The following AP2A2 variants were observed in gnomAD, a reference collection of about 807,000 sequenced individuals.
AP2A2 encodes AP-2 complex subunit alpha-2.
In AP2A2, 32 loss-of-function variants were observed where a neutral mutation model predicts 104.2. The observed-to-expected ratio is 0.31, with a 90% CI of 0.23 to 0.41. The LOEUF (loss-of-function observed/expected upper bound fraction) is 0.41, where lower values mean the gene tolerates loss of function less well. Ranked by LOEUF, AP2A2 falls within the 10% of genes least tolerant of loss-of-function variation. The pLI is 1.00. For synonymous variants in AP2A2, 539 were observed against 533.3 expected, an observed-to-expected ratio of 1.01 and a Z score of -0.15; for missense variants, 912 against 1,261.0, an observed-to-expected ratio of 0.72 and a Z score of 4.19.
At position 992,437 on chromosome 11, in the gene AP2A2, C is replaced by T. The variant is rs763711890; in HGVS notation, c.1270-66C>T. 2.9e-5 allele frequency: 44 copies of T among 1,499,226 alleles called. No individual in the cohort carries two copies. Among genetic ancestry groups the T allele is most frequent in the South Asian group, 3.6e-5 (3 of 83,032 alleles). The allele number at this position is 1,499,226 out of a possible 1,614,324, so 92.9% of individuals were successfully genotyped here. ...CTGAAACTCTCACTTTGACTTTGGACGACAGTTTGGTCTTGGGATTGCCAT... is the reference window on the plus strand; with the variant it reads ...CTGAAACTCTCACTTTGACTTTGGATGACAGTTTGGTCTTGGGATTGCCAT... On this transcript the variant is annotated intron_variant, in intron 10 of 21. Transcript: ENST00000448903. This position sits in a 1 kb window ranked among gnomAD's most constrained non-coding sequence, Gnocchi z 6.4.
intron 14 of AP2A2, among the ~76,000 whole-genome samples, chr11:994,447 C>T (rs891530015): frequency 2.0e-5 from 3 of 151,474 alleles, no homozygotes; most frequent in African/African-American, 7.3e-5. Flanking sequence ...GGCCACTGTC[C>T]CTGCTGGACG....
chr11:1,003,855 T>A, intron 16 of AP2A2, 51 bp downstream of exon 16: 1 of 1,260,858 alleles, frequency 7.9e-7, no homozygotes, highest in Non-Finnish European at 1.1e-6. Context: ...TATGGGAAAT[T>A]AAGAGAAAAT....
chr11:987,479 C>G (rs544867838), intron 9 of AP2A2, among the ~76,000 whole-genome samples: 1 of 151,970 alleles, frequency 6.6e-6, no homozygotes, highest in African/African-American at 2.4e-5. Flanking sequence ...GAAACCCCGT[C>G]TTTACTAAAA....
At chr11:999,784 T>C (rs1046687647) in intron 14 of AP2A2, among the ~76,000 whole-genome samples, 1 of 151,336 alleles carries the variant, frequency 6.6e-6, no homozygotes, top group African/African-American at 2.4e-5. Flanking sequence ...GGCAGTAACA[T>C]GCATGATCTT....
In AP2A2 at chr11:993,035, C is replaced by T. The variant is rs1250980211; in HGVS notation, c.1453-249C>T. ...TGCCATGAGGACGCTGGCAGAACCTCCCCAGCCAGAGCCTGTTGTGGATGC... is the reference window on the plus strand; with the variant it reads ...TGCCATGAGGACGCTGGCAGAACCTTCCCAGCCAGAGCCTGTTGTGGATGC... On this transcript the variant is annotated intron_variant, in intron 11 of 21. Coordinates refer to ENST00000448903, the MANE Select transcript of AP2A2 (RefSeq NM_012305.4). This position sits in a 1 kb window ranked among gnomAD's most constrained non-coding sequence, Gnocchi z 8.2. Among the ~76,000 whole-genome samples the T allele has an allele frequency of 6.6e-6, 1 of 152,196 alleles. No homozygotes were observed. The highest frequency in any genetic ancestry group is 1.5e-5 in the Non-Finnish European group (1 of 68,038).
At chr11:963,784 G>A (rs1854521976) in intron 2 of AP2A2, among the ~76,000 whole-genome samples, 1 of 152,216 alleles carries the variant, frequency 6.6e-6, no homozygotes, top group Admixed American at 6.5e-5. Flanking sequence ...CACCACGCCT[G>A]GCTAACATTT....
At chr11:1,006,689 T>G (rs1337072007) in intron 17 of AP2A2, 72 bp downstream of exon 17, 11 of 1,219,820 alleles carry the variant, frequency 9.0e-6, no homozygotes, top group African/African-American at 1.5e-5. Flanking sequence ...TTTGAGGAAG[T>G]TTTTTGGTTT....
At chr11:967,758 G>C (rs1257852699) in intron 2 of AP2A2, among the ~76,000 whole-genome samples, 1 of 152,158 alleles carries the variant, frequency 6.6e-6, no homozygotes, top group African/African-American at 2.4e-5. Flanking sequence ...GCATCTTTCA[G>C]ACTGGAGCCC....
rs1853222297 is a variant in AP2A2, at chr11:929,602, G to C, written c.67+3514G>C. Among the ~76,000 whole-genome samples, 2 of 152,172 alleles carry C rather than the reference G, an allele frequency of 1.3e-5. 1 individual carries two copies. The highest frequency in any genetic ancestry group is 4.1e-4 in the South Asian group (2 of 4,824). On this transcript the variant is annotated intron_variant, in intron 1 of 21. Transcript: ENST00000448903. ...TTCTTAAGTTTTCCTCCTTTAGCCT[G>C]GGCAATATAGTGAGACCCCTGTCTT...
At chr11:998,579 A>G (rs1043264655) in intron 14 of AP2A2, among the ~76,000 whole-genome samples, 1 of 152,076 alleles carries the variant, frequency 6.6e-6, no homozygotes, top group Admixed American at 6.6e-5. Context: ...ACTCAAGACG[A>G]ATCTTCAAGT....
chr11:1,003,910 A>G (rs1409633491), intron 16 of AP2A2, 106 bp downstream of exon 16: 1 of 732,846 alleles, frequency 1.4e-6, no homozygotes. Flanking sequence ...CCAGAATATA[A>G]AAAGAACTCC....
chr11:952,367 C>T (rs998968763), intron 1 of AP2A2, among the ~76,000 whole-genome samples: 2 of 152,180 alleles, frequency 1.3e-5, no homozygotes, highest in Admixed American at 6.6e-5. Context: ...AATCATTAAC[C>T]AGCATGCTGT....
intron 1 of AP2A2, among the ~76,000 whole-genome samples, chr11:949,428 A>G (rs778784121): frequency 1.1e-4 from 16 of 152,242 alleles, no homozygotes; most frequent in Non-Finnish European, 2.1e-4. Flanking sequence ...ATGAATATAG[A>G]AACAAGAATC....
At chr11:1,008,734 T>C (rs1035722754) in intron 18 of AP2A2, 1 of 322,262 alleles carries the variant, frequency 3.1e-6, no homozygotes, top group Non-Finnish European at 5.7e-6. Flanking sequence ...GATTGTATAC[T>C]GTAGAATTCG....
At chr11:955,643 A>AT (rs1458142486) in intron 1 of AP2A2, among the ~76,000 whole-genome samples, 1 of 152,222 alleles carries the variant, frequency 6.6e-6, no homozygotes, top group Non-Finnish European at 1.5e-5. Context: ...GAGCCGCCAC[A>AT]TAGGCACTTG....
chr11:926,089 G>T lies in AP2A2; in HGVS notation c.67+1G>T. 7.5e-7 allele frequency: 1 copy of T among 1,337,354 alleles called. No individual in the cohort carries two copies. The highest frequency in any genetic ancestry group is 9.7e-7 in the Non-Finnish European group (1 of 1,032,758). 82.8% of individuals were successfully genotyped at this position (1,337,354 alleles called of 1,614,324 possible). A position where few individuals can be genotyped will look rare whatever the true frequency, so the allele number is the denominator to read the frequency against. On this transcript the variant is annotated splice_donor_variant, in intron 1 of 21. Transcript: ENST00000448903. LOFTEE classifies it high-confidence loss of function. Reference sequence around the variant, plus strand: ...GTCTTCATCTCGGATATCCGCAACTGTGAGTGGCGGGGGCGGCGTGGGGCC... The same window carrying T: ...GTCTTCATCTCGGATATCCGCAACTTTGAGTGGCGGGGGCGGCGTGGGGCC...
chr11:986,958 G>T lies in AP2A2; in HGVS notation c.1131+5G>T. On this transcript the variant is annotated splice_donor_5th_base_variant and intron_variant, in intron 9 of 21. Coordinates refer to ENST00000448903, the MANE Select transcript of AP2A2 (RefSeq NM_012305.4). ...ACGGTCATCAACGCCCTGAAGGCGA[G>T]TGCCCTGTCCTTGGGTTCTGCTCAC... 2 of 1,571,526 alleles carry T rather than the reference G, an allele frequency of 1.3e-6. No homozygotes were observed. Among genetic ancestry groups the T allele is most frequent in the Non-Finnish European group, 1.7e-6 (2 of 1,158,776 alleles).
At chr11:954,637 C>T (rs1049960186) in intron 1 of AP2A2, among the ~76,000 whole-genome samples, 10 of 151,200 alleles carry the variant, frequency 6.6e-5, no homozygotes, top group Non-Finnish European at 4.4e-5. Flanking sequence ...TGTGCTTGTA[C>T]GTGTATTTGT....
At chr11:955,050 T>TC (rs1564791359) in intron 1 of AP2A2, among the ~76,000 whole-genome samples, 1 of 152,164 alleles carries the variant, frequency 6.6e-6, no homozygotes, top group African/African-American at 2.4e-5. Flanking sequence ...CAACATAAGT[T>TC]CCCCCTCAGA....
Sources: allele counts gnomAD v4.1 joint callset (sites outside exome capture counted in the v4.1 genomes callset), GRCh38; gene constraint gnomAD v4.1.1; non-coding constraint Gnocchi (gnomAD v3.1); transcripts MANE v1.5; gene names NCBI Gene and HGNC (gene_info 2026-07-23, HGNC 2026-07-21).